The following KCNJ16 variants were observed in gnomAD, a reference collection of about 807,000 sequenced individuals.
KCNJ16 encodes the protein potassium inwardly rectifying channel subfamily J member 16, also known as inward rectifier potassium channel 16.
KCNJ16 carries 15 observed loss-of-function variants against 18.5 expected under a neutral mutation model. The observed-to-expected ratio is 0.81, with a 90% CI of 0.54 to 1.25. The LOEUF (loss-of-function observed/expected upper bound fraction) is 1.25. Ranked by LOEUF, KCNJ16 falls within the 50% of genes most tolerant of loss-of-function variation. KCNJ16 has a pLI of 0.00. For missense variants in KCNJ16, 523 were observed against 525.7 expected, an observed-to-expected ratio of 0.99 and a Z score of 0.05; for synonymous variants, 174 against 186.5, an observed-to-expected ratio of 0.93 and a Z score of 0.55.
intron 1 of KCNJ16, among the ~76,000 whole-genome samples, chr17:70,082,271 G>A (rs1456276703): frequency 6.6e-6 from 1 of 152,212 alleles, no homozygotes; most frequent in African/African-American, 2.4e-5. Flanking sequence ...GGGGAAATGT[G>A]AGAAGTTCAG....
At chr17:70,104,835 G>A (rs1598132297) in intron 2 of KCNJ16, 1 of 152,636 alleles carries the variant, frequency 6.6e-6, no homozygotes. Context: ...AGAAAGTGTC[G>A]ATTCACTAGA....
At position 70,132,925 on chromosome 17, in the gene KCNJ16, G is replaced by C. The variant is rs2074113268; in HGVS notation, c.838G>C (p.Val280Leu). The change falls in exon 4 of 4, where the codon GTG becomes CTG. Residue 280 changes from valine (V) to leucine (L), a missense_variant. By Grantham distance (32) the Val-to-Leu change is conservative. Transcript: ENST00000392671. ...AGCCAAAGATAACTTTGAGATTTTG[G>C]TGACATTTATCTATACTGGTGATTC... ...AVAKDNFEIL[V>L]TFIYTGDSTG... is the part of the protein sequence containing the mutation. 1 of 1,613,998 alleles carries C rather than the reference G, an allele frequency of 6.2e-7. No individual in the cohort carries two copies. Among genetic ancestry groups the C allele is most frequent in the African/African-American group, 1.3e-5 (1 of 74,898 alleles).
At chr17:70,107,814 T>C (rs1432744624) in intron 2 of KCNJ16, among the ~76,000 whole-genome samples, 2 of 152,144 alleles carry the variant, frequency 1.3e-5, no homozygotes, top group Non-Finnish European at 1.5e-5. Context: ...GAGTGCTATT[T>C]ACCAGTTAAT....
chr17:70,113,586 C>CAGGGAAA (rs1368952335), intron 2 of KCNJ16, among the ~76,000 whole-genome samples: 2 of 152,076 alleles, frequency 1.3e-5, no homozygotes, highest in Non-Finnish European at 1.5e-5. Context: ...ATCATGGTTT[C>CAGGGAAA]AGGGAAAAGT....
intron 1 of KCNJ16, among the ~76,000 whole-genome samples, chr17:70,094,778 G>C (rs1407316175): frequency 1.3e-5 from 2 of 152,132 alleles, no homozygotes; most frequent in African/African-American, 4.8e-5. Flanking sequence ...TTGCACTGTA[G>C]GCAAATCATG....
intron 1 of KCNJ16, among the ~76,000 whole-genome samples, chr17:70,091,254 T>C (rs1439490622): frequency 2.0e-5 from 3 of 152,212 alleles, no homozygotes; most frequent in East Asian, 3.8e-4. Flanking sequence ...TTCCCACTCA[T>C]TTGACTGTTA....
At chr17:70,110,493 C>CACACACAT (rs2073141335) in intron 2 of KCNJ16, among the ~76,000 whole-genome samples, 1 of 152,078 alleles carries the variant, frequency 6.6e-6, no homozygotes, top group African/African-American at 2.4e-5. Flanking sequence ...CACACACACA[C>CACACACAT]ACACACACAA....
intron 2 of KCNJ16, among the ~76,000 whole-genome samples, chr17:70,117,518 C>T (rs757631419): frequency 6.6e-6 from 1 of 152,058 alleles, no homozygotes; most frequent in Non-Finnish European, 1.5e-5. Context: ...AAGACGATAA[C>T]ATAAAAACAA....
intron 2 of KCNJ16, among the ~76,000 whole-genome samples, chr17:70,111,522 A>C (rs976552831): frequency 6.6e-6 from 1 of 151,980 alleles, no homozygotes; most frequent in Admixed American, 6.6e-5. Flanking sequence ...GATAGCTGAG[A>C]TTTTGATTAG....
At chr17:70,130,340 A>T (rs2074012649) in intron 2 of KCNJ16, among the ~76,000 whole-genome samples, 1 of 152,220 alleles carries the variant, frequency 6.6e-6, no homozygotes, top group Non-Finnish European at 1.5e-5. Context: ...CCTAGGTCAC[A>T]TCTTGAAATT....
rs1194882484 is a variant in KCNJ16, at chr17:70,134,646, G to A, written c.*1302G>A. The A allele has an allele frequency of 6.0e-6, 1 of 167,014 alleles. No individual in the cohort carries two copies. Among genetic ancestry groups the A allele is most frequent in the Non-Finnish European group, 1.5e-5 (1 of 68,124 alleles). The allele number at this position is 167,014 out of a possible 1,614,324, so 10.3% of individuals were successfully genotyped here. A position where few individuals can be genotyped will look rare whatever the true frequency, so the allele number is the denominator to read the frequency against. On this transcript the variant is annotated 3_prime_UTR_variant, in exon 4 of 4. Coordinates refer to ENST00000392671, the MANE Select transcript of KCNJ16 (RefSeq NM_170741.4). Reference sequence around the variant, plus strand: ...GTCACTTTAAACTTTATAAATCAAAGAGATATTAGGAACATTCAGAATTAT... The same window carrying A: ...GTCACTTTAAACTTTATAAATCAAAAAGATATTAGGAACATTCAGAATTAT...
In KCNJ16 at chr17:70,132,270, C is replaced by A. The variant is rs891432589; in HGVS notation, c.183C>A (p.Ile61=). ...FGEWGSYVVD[I]FTTLVDTKWR... is the part of the protein sequence containing the mutation. ...AATGGGGAAGCTATGTGGTTGACAT[C>A]TTCACCACTCTTGTGGACACCAAGT... The change falls in exon 4 of 4, where the codon ATC becomes ATA. Residue 61 remains isoleucine, a synonymous_variant. Transcript: ENST00000392671. The A allele has an allele frequency of 1.9e-6, 3 of 1,614,084 alleles. No homozygotes were observed. The African/African-American group carries it at 4.0e-5, about 22-fold the overall frequency.
Position 70,132,715 on chromosome 17 carries a change from C to A in KCNJ16, c.628C>A (p.His210Asn). ...GCGCATTGGTGATTTTCGGCCAAAC[C>A]ACGTGGTAGAAGGAACAGTTAGAGC... Reference protein sequence around the residue: ...MWRIGDFRPNHVVEGTVRAQL... With the variant: ...MWRIGDFRPNNVVEGTVRAQL... The change falls in exon 4 of 4, where the codon CAC becomes AAC. Residue 210 changes from histidine to asparagine, a missense_variant. Coordinates refer to ENST00000392671, the MANE Select transcript of KCNJ16 (RefSeq NM_170741.4). The A allele has an allele frequency of 1.2e-6, 2 of 1,614,108 alleles. No homozygotes were observed. The highest frequency in any genetic ancestry group is 1.7e-6 in the Non-Finnish European group (2 of 1,180,030).
At chr17:70,093,335 C>T (rs182177253) in intron 1 of KCNJ16, among the ~76,000 whole-genome samples, 1 of 152,262 alleles carries the variant, frequency 6.6e-6, no homozygotes, top group African/African-American at 2.4e-5. Flanking sequence ...GGGAGAATGT[C>T]CCCTTTCCAC....
rs1360192181 is a variant in KCNJ16, at chr17:70,133,310, CT to C, written c.1226del (p.Leu409Ter). On this transcript the variant is annotated frameshift_variant, in exon 4 of 4. Coordinates refer to ENST00000392671, the MANE Select transcript of KCNJ16 (RefSeq NM_170741.4). LOFTEE classifies it high-confidence loss of function. ...ACACCTTATCAGAAAGCTCTCCTGA[CT>C]TTAAACAGAATCTCTGTAGAATCCC... ...RETPYQKALLTLNRISVESQM is the reference protein window; with the variant it reads ...RETPYQKALLXLNRISVESQM The C allele has an allele frequency of 1.2e-6, 2 of 1,613,726 alleles. No individual in the cohort carries two copies. Among genetic ancestry groups the C allele is most frequent in the South Asian group, 2.2e-5 (2 of 91,076 alleles).
chr17:70,131,139 A>ACTT lies in KCNJ16; in HGVS notation c.-94+165_-94+167dup, dbSNP rs201203363. Among the ~76,000 whole-genome samples, 825 of 150,554 alleles carry ACTT rather than the reference A, an allele frequency of 5.5e-3. 2 individuals are homozygous for ACTT. Among genetic ancestry groups the ACTT allele is most frequent in the Non-Finnish European group, 8.0e-3 (542 of 67,858 alleles). ...CTTTAAGAGGGAAACGAGATTAGCA[A>ACTT]CTTTGGCAAATTTTTGGGACTCTAT... On this transcript the variant is annotated intron_variant, in intron 3 of 3. Transcript: ENST00000392671.
chr17:70,096,626 A>G (rs977848529), intron 1 of KCNJ16: 3 of 257,228 alleles, frequency 1.2e-5, no homozygotes, highest in African/African-American at 4.4e-5. Context: ...ATAGGTGCCT[A>G]TATTTCTAAA....
chr17:70,101,467 G>A (rs1427628388), intron 2 of KCNJ16: 1 of 152,132 alleles, frequency 6.6e-6, no homozygotes, highest in Non-Finnish European at 1.5e-5. Context: ...GCTAGGTTAA[G>A]TAGACTCAAT....
intron 1 of KCNJ16, among the ~76,000 whole-genome samples, chr17:70,078,147 C>G (rs2071396457): frequency 6.6e-6 from 1 of 152,116 alleles, no homozygotes; most frequent in African/African-American, 2.4e-5. Flanking sequence ...AAGTTCTACT[C>G]TGAAATCAAG....
Sources: gnomAD v4.1 joint callset for allele counts (sites outside exome capture counted in the v4.1 genomes callset) on GRCh38, gnomAD v4.1.1 for gene constraint, MANE v1.5 for transcripts, NCBI Gene and HGNC (gene_info 2026-07-23, HGNC 2026-07-21) for gene names.